Variants in CNKSR2 observed in about 807,000 individuals in gnomAD.
The protein encoded by CNKSR2 is connector enhancer of kinase suppressor of Ras 2, also known as CNK homolog protein 2.
Under a neutral mutation model 84.4 loss-of-function variants are expected in CNKSR2, and 14 were observed. The observed-to-expected ratio is 0.17, with a 90% confidence interval of 0.11 to 0.26. The LOEUF (loss-of-function observed/expected upper bound fraction) is 0.26, where lower values mean the gene tolerates loss of function less well. Ranked by LOEUF, CNKSR2 falls within the 10% of genes least tolerant of loss-of-function variation. The probability of loss-of-function intolerance (pLI) is 1.00; values close to 1 mark genes in which losing one functional copy is unlikely to be tolerated. For synonymous variants in CNKSR2, 275 were observed against 277.9 expected (o/e 0.99, Z 0.10); for missense variants, 485 against 771.2 (o/e 0.63, Z 4.40).
chrX:21,531,389 G>A (rs1465267899), intron 10 of CNKSR2, among the ~76,000 whole-genome samples: 1 of 110,686 alleles, frequency 9.0e-6, no homozygotes, highest in Non-Finnish European at 1.9e-5. Flanking sequence ...AGGTAAACTG[G>A]CAGAAGAAAG....
intron 8 of CNKSR2, chrX:21,505,637 A>T (rs1031608001): frequency 1.8e-5 from 2 of 110,813 alleles, no homozygotes; most frequent in African/African-American, 6.6e-5. Flanking sequence ...CTCATTTTGG[A>T]CTCTGTCCTC....
chrX:21,546,801 A>G (rs1333382503), intron 11 of CNKSR2, among the ~76,000 whole-genome samples: 1 of 112,065 alleles, frequency 8.9e-6, no homozygotes, highest in Non-Finnish European at 1.9e-5. Context: ...AAGAATTTTC[A>G]ACCCAGAATT....
chrX:21,582,731 GC>G (rs1244127860), intron 13 of CNKSR2, among the ~76,000 whole-genome samples: 1 of 111,860 alleles, frequency 8.9e-6, no homozygotes, highest in Admixed American at 9.5e-5. Flanking sequence ...CACATAATAA[GC>G]CCTCAGTAAA....
intron 9 of CNKSR2, among the ~76,000 whole-genome samples, chrX:21,522,052 T>C (rs892922799): frequency 3.6e-5 from 4 of 111,329 alleles, no homozygotes; most frequent in Non-Finnish European, 7.6e-5. Context: ...CTAAAAATTA[T>C]ATGTGAATTC....
At chrX:21,586,319 C>T (rs901348402) in intron 13 of CNKSR2, among the ~76,000 whole-genome samples, 1 of 111,897 alleles carries the variant, frequency 8.9e-6, no homozygotes, top group African/African-American at 3.2e-5. Flanking sequence ...GATACAGCTA[C>T]TTGTATAAAA....
chrX:21,629,387 G>C (rs1210623025), intron 20 of CNKSR2, among the ~76,000 whole-genome samples: 1 of 111,830 alleles, frequency 8.9e-6, no homozygotes, highest in East Asian at 2.8e-4. Flanking sequence ...CACTCTGTTG[G>C]TACCAGTTTA....
chrX:21,422,252 T>C (rs866400004), intron 1 of CNKSR2: 3 of 111,530 alleles, frequency 2.7e-5, no homozygotes, highest in Non-Finnish European at 5.6e-5. Flanking sequence ...CCTAATCCCA[T>C]GGTGCCCAGC....
rs755607660 is a variant in CNKSR2, at chrX:21,635,452, CTA to C, written c.2693-13371_2693-13370del. On this transcript the variant is annotated intron_variant, in intron 20 of 21. Transcript: ENST00000379510. ...TGTATATGTGTATATATATATACAC[CTA>C]TATATATGTATATGTGTATATATAA... Among the ~76,000 whole-genome samples the C allele has an allele frequency of 1.8e-3, 159 of 87,885 alleles. 1 individual carries two copies. The highest frequency in any genetic ancestry group is 4.6e-3 in the African/African-American group (109 of 23,764). 76.3% of individuals were successfully genotyped at this position (87,885 alleles called of 115,157 possible).
At chrX:21,383,463 A>C (rs1442342699) in intron 1 of CNKSR2, among the ~76,000 whole-genome samples, 2 of 112,406 alleles carry the variant, frequency 1.8e-5, no homozygotes, top group Non-Finnish European at 3.8e-5. Context: ...TTATTTAGTA[A>C]ACCAAAACTT....
chrX:21,601,365 T>C lies in CNKSR2; in HGVS notation c.2044+16T>C, dbSNP rs746325921. The stretch of plus-strand genomic sequence containing the variant: ...CAGGAACAAGGTAAAGGAATACTTT[T>C]TTAAAATAATTATGTTATACTTTTT... On this transcript the variant is annotated intron_variant, in intron 18 of 21. Transcript: ENST00000379510. 4.0e-6 allele frequency: 4 copies of C among 1,001,715 alleles called. No homozygotes were observed. The Admixed American group carries it at 9.7e-5, about 24-fold the overall frequency. 82.6% of individuals were successfully genotyped at this position (1,001,715 alleles called of 1,213,427 possible). A position where few individuals can be genotyped will look rare whatever the true frequency, so the allele number is the denominator to read the frequency against.
At chrX:21,634,351 T>C (rs942149434) in intron 20 of CNKSR2, among the ~76,000 whole-genome samples, 1 of 112,501 alleles carries the variant, frequency 8.9e-6, no homozygotes, top group Non-Finnish European at 1.9e-5. Context: ...TCTTCTTACC[T>C]TTCTTTGGCA....
chrX:21,649,034 CA>C lies in CNKSR2; in HGVS notation c.2889+9del, dbSNP rs1181820732. ...TCTCAAAAGCACTTTAAAGGTAAGA[CA>C]AGAAATGGAAGGACAAATTTCTTTG... On this transcript the variant is annotated splice_region_variant and intron_variant, in intron 21 of 21. Transcript: ENST00000379510. 2 of 1,153,941 alleles carry C rather than the reference CA, an allele frequency of 1.7e-6. No homozygotes were observed. The highest frequency in any genetic ancestry group is 2.3e-6 in the Non-Finnish European group (2 of 854,441).
chrX:21,440,984 G>A (rs1184030960), intron 4 of CNKSR2: 1 of 300,152 alleles, frequency 3.3e-6, no homozygotes, highest in Non-Finnish European at 5.7e-6. Context: ...GATATAAAAG[G>A]AACCTGACCT....
At chrX:21,484,289 TCAAAACAAAACAAAACAAAA>T (rs113032601) in intron 5 of CNKSR2, among the ~76,000 whole-genome samples, 1 of 110,806 alleles carries the variant, frequency 9.0e-6, no homozygotes, top group Non-Finnish European at 1.9e-5. Context: ...AGACTTCGTT[TCAAAACAAAACAAAACAAAA>T]CAAAACAAAA....
intron 7 of CNKSR2, among the ~76,000 whole-genome samples, chrX:21,500,802 T>C (rs1321301266): frequency 1.8e-5 from 2 of 111,341 alleles, no homozygotes; most frequent in African/African-American, 6.5e-5. Flanking sequence ...TATTGGCATT[T>C]TAGTTCATTG....
At chrX:21,575,337 A>C (rs1169763020) in intron 13 of CNKSR2, among the ~76,000 whole-genome samples, 1 of 111,034 alleles carries the variant, frequency 9.0e-6, no homozygotes. Context: ...TTATTAAAAA[A>C]AAAATCAACT....
intron 11 of CNKSR2, among the ~76,000 whole-genome samples, chrX:21,548,215 C>A (rs2092047892): frequency 9.0e-6 from 1 of 111,418 alleles, no homozygotes; most frequent in Non-Finnish European, 1.9e-5. Flanking sequence ...CAAATAGACA[C>A]AATAAAAAAT....
intron 2 of CNKSR2, among the ~76,000 whole-genome samples, chrX:21,431,033 C>T (rs1039983402): frequency 9.0e-6 from 1 of 111,593 alleles, no homozygotes; most frequent in African/African-American, 3.3e-5. Context: ...TATGTAAATT[C>T]CCAGCAAAAG....
intron 20 of CNKSR2, among the ~76,000 whole-genome samples, chrX:21,633,024 C>T (rs753999021): frequency 4.9e-4 from 54 of 109,525 alleles, no homozygotes; most frequent in Middle Eastern, 4.7e-3. Flanking sequence ...CACACACACA[C>T]ATACAGATTA....
Sources: gnomAD v4.1 joint callset for allele counts (sites outside exome capture counted in the v4.1 genomes callset) on GRCh38, gnomAD v4.1.1 for gene constraint, MANE v1.5 for transcripts, NCBI Gene and HGNC (gene_info 2026-07-23, HGNC 2026-07-21) for gene names.